Variants in SLC12A3 observed in about 807,000 individuals in gnomAD.
SLC12A3 encodes solute carrier family 12 member 3, also known as Na-Cl cotransporter.
Under a neutral mutation model 121.0 loss-of-function variants are expected in SLC12A3, and 104 were observed. The observed-to-expected ratio is 0.86, with a 90% confidence interval of 0.73 to 1.01. The LOEUF is 1.01. Among genes scored for constraint, SLC12A3 ranks in the 50% least tolerant of loss-of-function variants. The pLI, the probability that SLC12A3 is intolerant of heterozygous loss-of-function variation, is 0.00. For synonymous variants in SLC12A3, 536 were observed against 533.4 expected (o/e 1.00, Z -0.07); for missense variants, 1,328 against 1,356.3 (o/e 0.98, Z 0.33).
Position 56,887,913 on chromosome 16 carries a change from A to G in SLC12A3, c.2179-12A>G, listed in dbSNP as rs2055340218. ...CTGATGGGTTCCCCATCTCACCCCT[A>G]TCCCCTGGCAGGCCGCAGGTCTCGG... On this transcript the variant is annotated splice_polypyrimidine_tract_variant and intron_variant, in intron 17 of 25. Coordinates refer to ENST00000563236, the MANE Select transcript of SLC12A3 (RefSeq NM_001126108.2). 2.5e-6 allele frequency: 4 copies of G among 1,603,002 alleles called. No individual in the cohort carries two copies. Among genetic ancestry groups the G allele is most frequent in the Non-Finnish European group, 3.4e-6 (4 of 1,174,854 alleles).
chr16:56,884,316 G>T (rs2055282525), intron 14 of SLC12A3, 112 bp downstream of exon 14: 1 of 1,121,062 alleles, frequency 8.9e-7, no homozygotes, highest in East Asian at 2.4e-5. Context: ...TGCTGTCCAG[G>T]GCCCCTCTCT....
chr16:56,883,498 T>C (rs112448463), intron 13 of SLC12A3, among the ~76,000 whole-genome samples: 11 of 152,082 alleles, frequency 7.2e-5, no homozygotes, highest in African/African-American at 2.7e-4. Context: ...GCCAGGATGG[T>C]CTCGATCTCC....
At position 56,894,723 on chromosome 16, in the gene SLC12A3, G is replaced by A. The variant is rs535231473; in HGVS notation, c.2633+81G>A. ...CCACCCAAGGCTGTCCCCTACCCTA[G>A]ATCCTCTACCACCACCCCCAGGTGG... On this transcript the variant is annotated intron_variant, in intron 22 of 25. Coordinates refer to ENST00000563236, the MANE Select transcript of SLC12A3 (RefSeq NM_001126108.2). The A allele has an allele frequency of 6.3e-5, 66 of 1,048,338 alleles. No homozygotes were observed. In the South Asian group the frequency reaches 8.4e-4, roughly 13 times the overall value. The allele number at this position is 1,048,338 out of a possible 1,614,324, so 64.9% of individuals were successfully genotyped here.
intron 23 of SLC12A3, among the ~76,000 whole-genome samples, chr16:56,900,150 G>A (rs375614478): frequency 6.6e-6 from 1 of 151,920 alleles, no homozygotes; most frequent in African/African-American, 2.4e-5. Context: ...TTTCTCTTAC[G>A]TCTCCCAGCC....
chr16:56,906,921 G>A (rs112688176), intron 25 of SLC12A3: 9 of 462,524 alleles, frequency 1.9e-5, no homozygotes, highest in Non-Finnish European at 4.0e-6. Flanking sequence ...GCTGGCAAAA[G>A]GTGGGCTGGA....
rs145929729 is a variant in SLC12A3 at position 56,879,566 on chromosome 16, G to A, written c.1360G>A (p.Ala454Thr). ...YQTMSMVSGF[A>T]PLITAGIFGA... is the part of the protein sequence containing the mutation. ...GACCATGAGCATGGTGTCAGGCTTC[G>A]CGCCCCTGATCACGGCTGGCATCTT... The change falls in exon 11 of 26, where the codon GCG becomes ACG. Residue 454 changes from alanine (A) to threonine (T), a missense_variant. Physicochemically the swap from Ala to Thr is moderately conservative, Grantham distance 58. Coordinates refer to ENST00000563236, the MANE Select transcript of SLC12A3 (RefSeq NM_001126108.2). 4.0e-5 allele frequency: 64 copies of A among 1,613,730 alleles called. No individual in the cohort carries two copies. In the Admixed American group the frequency reaches 4.5e-4, roughly 11 times the overall value.
At chr16:56,901,716 G>A (rs1452917037) in intron 23 of SLC12A3, among the ~76,000 whole-genome samples, 1 of 152,132 alleles carries the variant, frequency 6.6e-6, no homozygotes, top group Non-Finnish European at 1.5e-5. Context: ...GTCTCACTTG[G>A]GGCAGATAAG....
At chr16:56,869,891 C>T (rs1294439935) in intron 4 of SLC12A3, 67 bp downstream of exon 4, 5 of 1,461,806 alleles carry the variant, frequency 3.4e-6, no homozygotes, top group Non-Finnish European at 2.9e-6. Flanking sequence ...ACAGGACTCC[C>T]AACTTCCCCA....
intron 19 of SLC12A3, 76 bp from the exon 20 acceptor site, chr16:56,892,007 G>T: frequency 1.9e-6 from 2 of 1,078,876 alleles, no homozygotes; most frequent in Non-Finnish European, 2.9e-6. Context: ...AGCATTAAGG[G>T]AGCCCTGTCA....
At chr16:56,879,763 G>A in intron 11 of SLC12A3, 114 bp downstream of exon 11, 1 of 786,284 alleles carries the variant, frequency 1.3e-6, no homozygotes, top group Middle Eastern at 2.4e-4. Flanking sequence ...CATTAGACTG[G>A]GGTCTCTAGC....
Position 56,904,431 on chromosome 16 carries a change from G to T in SLC12A3, c.2893G>T (p.Asp965Tyr), listed in dbSNP as rs766503046. 3 of 1,614,022 alleles carry T rather than the reference G, an allele frequency of 1.9e-6. No homozygotes were observed. In the South Asian group the frequency reaches 3.3e-5, roughly 18 times the overall value. Residue 965 changes from aspartate (D) to tyrosine (Y), a missense_variant, in exon 25 of 26, where the codon GAT (aspartate) becomes TAT (tyrosine). Coordinates refer to ENST00000563236, the MANE Select transcript of SLC12A3 (RefSeq NM_001126108.2). ...GGTGAGGCTGAATGAGATTGTGCTGGATTACTCCCGAGACGCTGCTCTCAT... is the reference window on the plus strand; with the variant it reads ...GGTGAGGCTGAATGAGATTGTGCTGTATTACTCCCGAGACGCTGCTCTCAT... Reference protein sequence around the residue: ...RQVRLNEIVLDYSRDAALIVI... With the variant: ...RQVRLNEIVLYYSRDAALIVI...
chr16:56,913,365 G>C lies in SLC12A3; in HGVS notation c.3026G>C (p.Arg1009Pro). The C allele has an allele frequency of 6.2e-7, 1 of 1,614,208 alleles. No individual in the cohort carries two copies. The change falls in exon 26 of 26, where the codon CGA becomes CCA. Residue 1009 changes from arginine (R) to proline (P), a missense_variant. Transcript: ENST00000563236. ...CTCAGACCTCCAGTCATCCTGATCC[G>C]AGGAAACCAGGAAAACGTGCTCACC... is the stretch of plus-strand genomic sequence containing the variant. Reference protein sequence around the residue: ...QDLRPPVILIRGNQENVLTFY... With the variant: ...QDLRPPVILIPGNQENVLTFY...
Position 56,887,881 on chromosome 16 carries a change from T to A in SLC12A3, c.2179-44T>A, listed in dbSNP as rs758436159. 2.8e-6 allele frequency: 4 copies of A among 1,445,348 alleles called. No individual in the cohort carries two copies. The South Asian group carries it at 4.6e-5, about 16-fold the overall frequency. The allele number at this position is 1,445,348 out of a possible 1,614,324, so 89.5% of individuals were successfully genotyped here. A position where few individuals can be genotyped will look rare whatever the true frequency, so the allele number is the denominator to read the frequency against. ...CTCTGGCCAGGTGGATCACCAACTC[T>A]GCCCCTCTGATGGGTTCCCCATCTC... On this transcript the variant is annotated intron_variant, in intron 17 of 25. Transcript: ENST00000563236.
intron 25 of SLC12A3, among the ~76,000 whole-genome samples, chr16:56,909,803 A>G (rs926998557): frequency 1.3e-4 from 20 of 152,130 alleles, no homozygotes; most frequent in Non-Finnish European, 2.6e-4. Context: ...GGGAAAAAAA[A>G]AAAATCTCCC....
chr16:56,865,396 G>C lies in SLC12A3; in HGVS notation c.161G>C (p.Arg54Pro). The C allele has an allele frequency of 6.2e-7, 1 of 1,614,202 alleles. No homozygotes were observed. Among genetic ancestry groups the C allele is most frequent in the Non-Finnish European group, 8.5e-7 (1 of 1,180,046 alleles). ...HLTHSSTFCMRTFGYNTIDVV... is the reference protein window; with the variant it reads ...HLTHSSTFCMPTFGYNTIDVV... ...ACCCACAGCAGCACCTTCTGCATGC[G>C]CACCTTTGGCTACAACACGATCGAT... The change falls in exon 1 of 26, where the codon CGC (arginine) becomes CCC (proline). Residue 54 changes from arginine to proline, a missense_variant. Physicochemically the swap from Arg to Pro is moderately radical, Grantham distance 103 (BLOSUM62 -2). Transcript: ENST00000563236.
chr16:56,886,286 C>G, intron 15 of SLC12A3, 78 bp from the exon 16 acceptor site: 1 of 1,028,236 alleles, frequency 9.7e-7, no homozygotes, highest in South Asian at 1.3e-5. Context: ...ATTCAGGGAG[C>G]CTGGGAGGTG....
rs1177893371 is a variant in SLC12A3 at position 56,915,013 on chromosome 16, AC to A, written c.*1610del. 6.6e-6 allele frequency: 1 copy of A among 152,146 alleles called. No individual in the cohort carries two copies. Among genetic ancestry groups the A allele is most frequent in the African/African-American group, 2.4e-5 (1 of 41,368 alleles). The allele number at this position is 152,146 out of a possible 1,614,324, so 9.4% of individuals were successfully genotyped here. A position where few individuals can be genotyped will look rare whatever the true frequency, so the allele number is the denominator to read the frequency against. ...CTAGGACAAGGGAGATGGAGAAAGG[AC>A]CTATACCTGGCTCACGGAAGGCCTT... On this transcript the variant is annotated 3_prime_UTR_variant, in exon 26 of 26. Transcript: ENST00000563236.
chr16:56,885,819 C>T (rs574345202), intron 15 of SLC12A3, among the ~76,000 whole-genome samples: 1 of 152,170 alleles, frequency 6.6e-6, no homozygotes, highest in South Asian at 2.1e-4. Context: ...TTGCAAAGTG[C>T]CTTACACAGC....
At chr16:56,887,448 C>A (rs1312535722) in intron 17 of SLC12A3, among the ~76,000 whole-genome samples, 4 of 151,942 alleles carry the variant, frequency 2.6e-5, no homozygotes, top group African/African-American at 9.7e-5. Flanking sequence ...CTCAGGTGAT[C>A]CACCTATCTC....
Sources: gnomAD v4.1 joint callset for allele counts (sites outside exome capture counted in the v4.1 genomes callset) on GRCh38, gnomAD v4.1.1 for gene constraint, MANE v1.5 for transcripts, NCBI Gene and HGNC (gene_info 2026-07-23, HGNC 2026-07-21) for gene names.